The following RABGAP1 variants were observed in gnomAD, a reference collection of about 807,000 sequenced individuals.
RABGAP1 encodes the protein rab GTPase-activating protein 1.
RABGAP1 carries 23 observed loss-of-function variants against 137.6 expected under a neutral mutation model. That is an observed-to-expected ratio of 0.17 (90% CI 0.12 to 0.24). RABGAP1 has a LOEUF of 0.24. RABGAP1 is among the 10% of genes least tolerant of loss of function. RABGAP1 has a pLI of 1.00. For missense variants in RABGAP1, 906 were observed against 1,275.8 expected (o/e 0.71, Z 4.42); for synonymous variants, 451 against 450.7 (o/e 1.00, Z -0.01).
rs553417295 is a variant in RABGAP1, at chr9:123,083,425, C to G, written c.2425-6333C>G. Among the ~76,000 whole-genome samples, 6 of 152,294 alleles carry G rather than the reference C, an allele frequency of 3.9e-5. No individual in the cohort carries two copies. The South Asian group carries it at 1.0e-3, about 26-fold the overall frequency. The stretch of plus-strand genomic sequence containing the variant: ...TTATGAGGAAACTTCTGAATGGATG[C>G]TCTCTCTGTAATGAACCCTAAATTT... On this transcript the variant is annotated intron_variant, in intron 19 of 25. Coordinates refer to ENST00000373647, the MANE Select transcript of RABGAP1 (RefSeq NM_012197.4).
rs577474947 is a variant in RABGAP1 at position 123,025,543 on chromosome 9, C to CTTTTTTTTTTTTTTTTT, written c.1794+5085_1794+5101dup. ...TTTTATTTGTTCAGATCTTTCTTTT[C>CTTTTTTTTTTTTTTTTT]TTTTTTTTTTTTTTTTTGCCTTCAA... On this transcript the variant is annotated intron_variant, in intron 13 of 25. Transcript: ENST00000373647. 5.3e-3 allele frequency among the ~76,000 whole-genome samples: 398 copies of CTTTTTTTTTTTTTTTTT among 74,888 alleles called. 25 individuals carry two copies. The highest frequency in any genetic ancestry group is 8.8e-3 in the African/African-American group (196 of 22,348). 49.1% of individuals were successfully genotyped at this position (74,888 alleles called of 152,430 possible).
At chr9:123,007,373 CT>C (rs1298703088) in intron 10 of RABGAP1, among the ~76,000 whole-genome samples, 19,724 of 112,698 alleles carry the variant, frequency 0.18, 1,753 homozygotes, top group East Asian at 0.56. Flanking sequence ...CTGAGCCTGG[CT>C]TTTTTTTTTT....
chr9:123,005,287 GA>G (rs1474178366), intron 10 of RABGAP1, among the ~76,000 whole-genome samples: 4 of 60,654 alleles, frequency 6.6e-5, no homozygotes, highest in African/African-American at 1.5e-4. Context: ...AGGGGCTTGG[GA>G]TTTTTTTTTT....
chr9:123,087,956 C>T (rs1380019495), intron 19 of RABGAP1, among the ~76,000 whole-genome samples: 1 of 151,690 alleles, frequency 6.6e-6, no homozygotes, highest in Non-Finnish European at 1.5e-5. Context: ...TTACCTGGAC[C>T]TGGGGACTAA....
At chr9:122,961,109 A>G (rs1434619056) in intron 2 of RABGAP1, among the ~76,000 whole-genome samples, 1 of 152,120 alleles carries the variant, frequency 6.6e-6, no homozygotes, top group Non-Finnish European at 1.5e-5. Context: ...AAAAAATTTT[A>G]AGTAATAATG....
intron 13 of RABGAP1, among the ~76,000 whole-genome samples, chr9:123,044,097 G>A (rs1433770924): frequency 5.9e-5 from 9 of 151,986 alleles, no homozygotes; most frequent in Admixed American, 5.9e-4. Flanking sequence ...TAGAGACGGG[G>A]TTTCACCATG....
rs552457119 is a variant in RABGAP1, at chr9:123,051,216, G to GTTTTTTTTTTTT, written c.1795-14095_1795-14084dup. Among the ~76,000 whole-genome samples, 11 of 34,280 alleles carry GTTTTTTTTTTTT rather than the reference G, an allele frequency of 3.2e-4. 3 individuals carry two copies. Among genetic ancestry groups the GTTTTTTTTTTTT allele is most frequent in the South Asian group, 9.4e-4 (1 of 1,066 alleles). The allele number at this position is 34,280 out of a possible 152,430, so 22.5% of individuals were successfully genotyped here. On this transcript the variant is annotated intron_variant, in intron 13 of 25. Coordinates refer to ENST00000373647, the MANE Select transcript of RABGAP1 (RefSeq NM_012197.4). ...ACATGTTGTGATTTTATTCACCTTG[G>GTTTTTTTTTTTT]TTTTTTTTTTTTTTTTTTTTTTTTT...
At chr9:122,936,639 C>T (rs1426103471), upstream of RABGAP1, among the ~76,000 whole-genome samples, 3 of 152,150 alleles carry the variant, frequency 2.0e-5, no homozygotes, top group Non-Finnish European at 4.4e-5. Context: ...TACTGGCTGT[C>T]GACACTCTGG....
intron 19 of RABGAP1, among the ~76,000 whole-genome samples, chr9:123,082,572 T>C (rs2034743237): frequency 6.6e-6 from 1 of 152,224 alleles, no homozygotes; most frequent in South Asian, 2.1e-4. Flanking sequence ...TGAGGCTAGT[T>C]TAGAAGACCC....
At position 123,076,621 on chromosome 9, in the gene RABGAP1, T is replaced by C. The variant is rs1412137083; in HGVS notation, c.2296-13T>C. 1.9e-6 allele frequency: 3 copies of C among 1,584,300 alleles called. No homozygotes were observed. The highest frequency in any genetic ancestry group is 4.6e-5 in the East Asian group (2 of 43,858). On this transcript the variant is annotated splice_polypyrimidine_tract_variant and intron_variant, in intron 18 of 25. Coordinates refer to ENST00000373647, the MANE Select transcript of RABGAP1 (RefSeq NM_012197.4). ...AACACATTTTTTCTATATGTGTTTG[T>C]ATTTTCTTCAAGACTTCGAAAGATG...
chr9:122,952,180 G>T lies in RABGAP1; in HGVS notation c.-49-4831G>T, dbSNP rs535674420. On this transcript the variant is annotated intron_variant, in intron 1 of 25. Coordinates refer to ENST00000373647, the MANE Select transcript of RABGAP1 (RefSeq NM_012197.4). Reference sequence around the variant, plus strand: ...GTGACTTGACTTTTTTAAAAGAGAGGTAAGGCTGGGTACGGCAGTTTATGC... The same window carrying T: ...GTGACTTGACTTTTTTAAAAGAGAGTTAAGGCTGGGTACGGCAGTTTATGC... Among the ~76,000 whole-genome samples, 11 of 152,320 alleles carry T rather than the reference G, an allele frequency of 7.2e-5. No homozygotes were observed. The East Asian group carries it at 1.9e-3, about 27-fold the overall frequency.
At chr9:123,046,390 C>G (rs2033206353) in intron 13 of RABGAP1, among the ~76,000 whole-genome samples, 1 of 152,000 alleles carries the variant, frequency 6.6e-6, no homozygotes. Flanking sequence ...GCTTAAAAGG[C>G]CTGATGAAGG....
chr9:123,100,164 T>G (rs1220307838), intron 24 of RABGAP1, among the ~76,000 whole-genome samples: 6 of 152,078 alleles, frequency 3.9e-5, no homozygotes, highest in Non-Finnish European at 5.9e-5. Flanking sequence ...TTAGGAGTTT[T>G]TATAACATGG....
intron 13 of RABGAP1, among the ~76,000 whole-genome samples, chr9:123,030,210 A>C (rs1405253212): frequency 6.8e-6 from 1 of 146,398 alleles, no homozygotes; most frequent in African/African-American, 2.8e-5. Flanking sequence ...GTCCATTTTG[A>C]GTTAGATTGA....
intron 13 of RABGAP1, among the ~76,000 whole-genome samples, chr9:123,032,514 T>G (rs1031622759): frequency 1.3e-5 from 2 of 152,212 alleles, no homozygotes; most frequent in African/African-American, 4.8e-5. Context: ...CTGCTTCAGA[T>G]TTAAAATGTA....
At chr9:123,060,951 A>G (rs1029087480) in intron 13 of RABGAP1, among the ~76,000 whole-genome samples, 1 of 152,230 alleles carries the variant, frequency 6.6e-6, no homozygotes, top group African/African-American at 2.4e-5. Flanking sequence ...CATGTATAAA[A>G]TTAATAACAT....
At chr9:122,959,726 A>G (rs540426287) in intron 2 of RABGAP1, among the ~76,000 whole-genome samples, 389 of 152,268 alleles carry the variant, frequency 2.6e-3, no homozygotes, top group African/African-American at 8.0e-3. Context: ...CCTGTCCCCC[A>G]TCAGCTCCCA....
chr9:123,088,623 G>C (rs1588401715), intron 19 of RABGAP1, among the ~76,000 whole-genome samples: 4 of 152,186 alleles, frequency 2.6e-5, no homozygotes, highest in Admixed American at 1.3e-4. Flanking sequence ...AGGATGTCAA[G>C]GCTGCAGTGA....
At chr9:122,953,434 G>C (rs1347168524) in intron 1 of RABGAP1, among the ~76,000 whole-genome samples, 2 of 147,004 alleles carry the variant, frequency 1.4e-5, no homozygotes, top group African/African-American at 5.1e-5. Context: ...ACAGAGTCTT[G>C]CTCTGTTGCC....
Sources: allele counts gnomAD v4.1 joint callset (sites outside exome capture counted in the v4.1 genomes callset), GRCh38; gene constraint gnomAD v4.1.1; transcripts MANE v1.5; gene names NCBI Gene and HGNC (gene_info 2026-07-23, HGNC 2026-07-21).